Variants in COL27A1 observed in about 807,000 individuals in gnomAD.
COL27A1 encodes the protein collagen alpha-1(XXVII) chain.
COL27A1 carries 106 observed loss-of-function variants against 251.3 expected under a neutral mutation model. The observed-to-expected ratio is 0.42, with a 90% CI of 0.36 to 0.50. The LOEUF is 0.50. Ranked by LOEUF, COL27A1 falls within the 20% of genes least tolerant of loss-of-function variation. COL27A1 has a pLI of 0.00. For missense variants in COL27A1, 2,325 were observed against 2,522.8 expected, an observed-to-expected ratio of 0.92 and a Z score of 1.68; for synonymous variants, 1,000 against 986.3, an observed-to-expected ratio of 1.01 and a Z score of -0.26.
In COL27A1 at chr9:114,270,748, T is replaced by C. The variant is rs34412510; in HGVS notation, c.3576T>C (p.Gly1192=). ...TCCAGGGAGAGCCAGGCCTTGAGGG[T>C]GACAGTGGCCCCATGGGACCTGATG... ...IGQRGEPGLE[G]DSGPMGPDGL... Residue 1192 remains glycine, a synonymous_variant, in exon 36 of 61, where the codon GGT becomes GGC. Transcript: ENST00000356083. 9,544 of 1,612,878 alleles carry C rather than the reference T, an allele frequency of 5.9e-3. 247 individuals carry two copies. The African/African-American group carries it at 0.061, about 10-fold the overall frequency.
chr9:114,214,969 G>A (rs745490), intron 12 of COL27A1, among the ~76,000 whole-genome samples: 18,694 of 152,308 alleles, frequency 0.12, 1,840 homozygotes, highest in East Asian at 0.59. Context: ...ATGCTGCAGT[G>A]AGTCCTTCTA....
In COL27A1 at chr9:114,208,527, T is replaced by C. The variant is rs201489103; in HGVS notation, c.2269-1148T>C. On this transcript the variant is annotated intron_variant, in intron 10 of 60. Coordinates refer to ENST00000356083, the MANE Select transcript of COL27A1 (RefSeq NM_032888.4). ...GATAAGGATGGAATAAATGCTTTAA[T>C]ATATGCAAAGCACTGGCAGCAGGCC... 2.6e-5 allele frequency among the ~76,000 whole-genome samples: 4 copies of C among 152,312 alleles called. No individual in the cohort carries two copies. The East Asian group carries it at 5.8e-4, about 22-fold the overall frequency.
intron 19 of COL27A1, 135 bp from the exon 20 acceptor site, chr9:114,240,085 G>A (rs780425982): frequency 1.3e-5 from 10 of 782,130 alleles, no homozygotes; most frequent in Non-Finnish European, 2.3e-5. Flanking sequence ...TGGGATCAAG[G>A]TGGTTAACTG....
At chr9:114,271,372 C>CCT (rs1835130329) in intron 36 of COL27A1, 1 of 155,278 alleles carries the variant, frequency 6.4e-6, no homozygotes, top group African/African-American at 2.4e-5. Flanking sequence ...GGCTCCAAAG[C>CCT]CTCTGCTCAC....
In COL27A1 at chr9:114,290,251, G is replaced by A. The variant is rs372958060; in HGVS notation, c.4288G>A (p.Gly1430Ser). 5.1e-6 allele frequency: 8 copies of A among 1,573,776 alleles called. No homozygotes were observed. The highest frequency in any genetic ancestry group is 6.9e-6 in the Non-Finnish European group (8 of 1,159,418). ...CCTGCAGGGGCTGCCAGGGCCCCGG[G>A]GCGTGGTGGGGAGACAGGGCCTCGA... ...QGLQGLPGPR[G>S]VVGRQGLEGI... The change falls in exon 47 of 61, where the codon GGC becomes AGC. Residue 1430 changes from glycine to serine, a missense_variant. Physicochemically the swap from Gly to Ser is moderately conservative, Grantham distance 56. This residue lies in a region of COL27A1 where 153 missense variants were observed against 140.7 expected (regional missense o/e 1.09). Coordinates refer to ENST00000356083, the MANE Select transcript of COL27A1 (RefSeq NM_032888.4). This position sits in a 1 kb window ranked among gnomAD's most constrained non-coding sequence, Gnocchi z 4.6.
intron 23 of COL27A1, among the ~76,000 whole-genome samples, chr9:114,245,148 GTTTTTTTTTTTTTTTTT>G (rs779029948): frequency 2.0e-5 from 2 of 101,334 alleles, no homozygotes; most frequent in African/African-American, 3.9e-5. Context: ...GTGCATTCTT[GTTTTTTTTTTTTTTTTT>G]TTTTTTTTTT....
intron 5 of COL27A1, among the ~76,000 whole-genome samples, chr9:114,189,806 TA>T (rs530908124): frequency 2.1e-4 from 32 of 152,332 alleles, no homozygotes; most frequent in Middle Eastern, 3.4e-3. Context: ...CTAGTGAAAA[TA>T]ACTATTGATT....
chr9:114,310,752 G>T lies in COL27A1; in HGVS notation c.*57G>T. The T allele has an allele frequency of 6.3e-7, 1 of 1,597,722 alleles. No homozygotes were observed. The highest frequency in any genetic ancestry group is 2.2e-5 in the East Asian group (1 of 44,670). On this transcript the variant is annotated 3_prime_UTR_variant, in exon 61 of 61. Coordinates refer to ENST00000356083, the MANE Select transcript of COL27A1 (RefSeq NM_032888.4). The stretch of plus-strand genomic sequence containing the variant: ...GGAGGAGGGAAGAGGAAGAGGCAAG[G>T]GGAGGGTACTGAGGGGCAGATGGCT...
chr9:114,244,901 C>T (rs1390340308), intron 23 of COL27A1, among the ~76,000 whole-genome samples: 1 of 152,160 alleles, frequency 6.6e-6, no homozygotes, highest in Non-Finnish European at 1.5e-5. Flanking sequence ...ACAAAACAGA[C>T]AGACAAGGCC....
chr9:114,231,080 G>A lies in COL27A1; in HGVS notation c.2468G>A (p.Gly823Asp). 1 of 1,612,508 alleles carries A rather than the reference G, an allele frequency of 6.2e-7. No homozygotes were observed. The highest frequency in any genetic ancestry group is 1.7e-5 in the Admixed American group (1 of 59,906). ...PGPPGVPGLI[G>D]DLGVLGPIGY... is the part of the protein sequence containing the mutation. ...CCTCTTCTCTTTCTCTCCCCACAGG[G>A]TGACTTAGGAGTGTTGGGTCCGATT... Residue 823 changes from glycine to aspartate, a missense_variant and splice_region_variant, in exon 15 of 61, where the codon GGT becomes GAT. Physicochemically the swap from Gly to Asp is moderately conservative, Grantham distance 94. Coordinates refer to ENST00000356083, the MANE Select transcript of COL27A1 (RefSeq NM_032888.4).
Position 114,300,135 on chromosome 9 carries a change from C to T in COL27A1, c.4638+12C>T. The T allele has an allele frequency of 6.2e-7, 1 of 1,613,274 alleles. No individual in the cohort carries two copies. The highest frequency in any genetic ancestry group is 1.1e-5 in the South Asian group (1 of 91,072). ...TCTTCGGACCCAAGGTATGGACTCC[C>T]ACGGCTCACTGTTCCTGTGGGGTCC... On this transcript the variant is annotated intron_variant, in intron 50 of 60. Transcript: ENST00000356083.
At chr9:114,289,070 G>T in intron 44 of COL27A1, 103 bp downstream of exon 44, 7 of 1,432,526 alleles carry the variant, frequency 4.9e-6, no homozygotes, top group Non-Finnish European at 4.8e-6. Flanking sequence ...GACCCTCCCT[G>T]CAGGAGGGTC....
chr9:114,186,553 T>C (rs115940343), intron 5 of COL27A1, among the ~76,000 whole-genome samples: 31 of 152,058 alleles, frequency 2.0e-4, no homozygotes, highest in African/African-American at 7.2e-4. Context: ...ATTGATCTAG[T>C]CCGGGAGGTG....
chr9:114,277,627 C>T (rs192262860), intron 37 of COL27A1, among the ~76,000 whole-genome samples: 69 of 152,250 alleles, frequency 4.5e-4, no homozygotes, highest in African/African-American at 1.6e-3. Flanking sequence ...GAGAAGAATA[C>T]GAGGGCGCTG....
intron 7 of COL27A1, among the ~76,000 whole-genome samples, chr9:114,197,065 C>T (rs1829190751): frequency 6.6e-6 from 1 of 152,186 alleles, no homozygotes; most frequent in Non-Finnish European, 1.5e-5. Context: ...AGCAGGTGTT[C>T]AGGAAATGGG....
intron 24 of COL27A1, among the ~76,000 whole-genome samples, chr9:114,246,704 C>T (rs942879139): frequency 6.6e-6 from 1 of 152,140 alleles, no homozygotes; most frequent in Admixed American, 6.5e-5. Flanking sequence ...GAGTCACACA[C>T]GATGGGCTTC....
chr9:114,236,251 G>A (rs1832391060), intron 17 of COL27A1, among the ~76,000 whole-genome samples: 1 of 152,150 alleles, frequency 6.6e-6, no homozygotes, highest in Non-Finnish European at 1.5e-5. Flanking sequence ...CACTGGTGGT[G>A]CCACCTTTCT....
At chr9:114,287,281 C>T (rs1203331206) in intron 41 of COL27A1, among the ~76,000 whole-genome samples, 1 of 152,172 alleles carries the variant, frequency 6.6e-6, no homozygotes, top group Non-Finnish European at 1.5e-5. Context: ...CCCTTTCAAT[C>T]CCTATGAACA....
intron 41 of COL27A1, among the ~76,000 whole-genome samples, chr9:114,286,377 C>A (rs1827490989): frequency 1.3e-5 from 2 of 152,146 alleles, no homozygotes; most frequent in Admixed American, 1.3e-4. Context: ...CAGAGACTAG[C>A]CCAGGATCTG....
Sources: allele counts gnomAD v4.1 joint callset (sites outside exome capture counted in the v4.1 genomes callset), GRCh38; gene constraint gnomAD v4.1.1; regional missense constraint gnomAD v4.1.1; non-coding constraint Gnocchi (gnomAD v3.1); transcripts MANE v1.5; gene names NCBI Gene and HGNC (gene_info 2026-07-23, HGNC 2026-07-21).